Variants in EPB41L3 observed in about 807,000 individuals in gnomAD.
EPB41L3 encodes erythrocyte membrane protein band 4.1 like 3, also known as band 4.1-like protein 3.
In EPB41L3, 57 loss-of-function variants were observed where a neutral mutation model predicts 127.1. The observed-to-expected ratio is 0.45, with a 90% CI of 0.36 to 0.56. EPB41L3 has a LOEUF of 0.56. Ranked by LOEUF, EPB41L3 falls within the 20% of genes least tolerant of loss-of-function variation. The pLI is 0.00. For missense variants in EPB41L3, 1,273 were observed against 1,372.2 expected, an observed-to-expected ratio of 0.93 and a Z score of 1.14; for synonymous variants, 572 against 549.5, an observed-to-expected ratio of 1.04 and a Z score of -0.57.
At position 5,467,845 on chromosome 18, in the gene EPB41L3, G is replaced by A. The variant is rs75073288; in HGVS notation, c.381+10396C>T. Among the ~76,000 whole-genome samples the A allele has an allele frequency of 4.4e-3, 670 of 152,302 alleles. 5 individuals are homozygous for A. The highest frequency in any genetic ancestry group is 0.015 in the African/African-American group (636 of 41,576). On this transcript the variant is annotated intron_variant, in intron 3 of 22. Coordinates refer to ENST00000341928, the MANE Select transcript of EPB41L3 (RefSeq NM_012307.5). ...ACACCAGCTGTAGCAGGGGAGGCGC[G>A]GCCAAGACTGCACGCTCCACAGAGC...
At chr18:5,588,983 A>G (rs916956479) in intron 3 of EPB41L3, among the ~76,000 whole-genome samples, 2 of 152,150 alleles carry the variant, frequency 1.3e-5, no homozygotes, top group Non-Finnish European at 2.9e-5. Context: ...TGTAGATGAG[A>G]AAGTGTATTT....
chr18:5,433,497 A>G lies in EPB41L3; in HGVS notation c.884T>C (p.Met295Thr). The G allele has an allele frequency of 6.2e-7, 1 of 1,613,632 alleles. No individual in the cohort carries two copies. The highest frequency in any genetic ancestry group is 8.5e-7 in the Non-Finnish European group (1 of 1,179,786). ...AGCATGATGTAAATCTACCCCATAC[A>G]TTGATAATTTTTTGGCATTTTCCAA... ...HFLENAKKLS[M>T]YGVDLHHAKD... Residue 295 changes from methionine (M) to threonine (T), a missense_variant, in exon 8 of 23, where the codon ATG (methionine) becomes ACG (threonine). Physicochemically the swap from Met to Thr is moderately conservative, Grantham distance 81. Around this residue, in one of 3 missense-constraint regions of EPB41L3, gnomAD observed 326 missense variants for 440.2 expected, o/e 0.74. Coordinates refer to ENST00000341928, the MANE Select transcript of EPB41L3 (RefSeq NM_012307.5).
In EPB41L3 at chr18:5,600,760, G is replaced by A. The variant is rs574005991; in HGVS notation, c.-306+11580C>T. 1.1e-4 allele frequency among the ~76,000 whole-genome samples: 16 copies of A among 152,212 alleles called. No individual in the cohort carries two copies. In the South Asian group the frequency reaches 3.3e-3, roughly 32 times the overall value. On this transcript the variant is annotated intron_variant, in intron 3 of 21. Coordinates refer to the EPB41L3 transcript ENST00000545076. ...TTAAAACCATTAAAATGAATACAGA[G>A]TACCATTAACATTTACTACAGAGAA... is the stretch of plus-strand genomic sequence containing the variant.
At position 5,437,900 on chromosome 18, in the gene EPB41L3, CAT is replaced by C; in HGVS notation, c.605+133_605+134del. On this transcript the variant is annotated intron_variant, in intron 6 of 22. Coordinates refer to ENST00000341928, the MANE Select transcript of EPB41L3 (RefSeq NM_012307.5). ...ATCTCATCAGATGTTTGCTCTCGTT[CAT>C]TTGCCTTTTGTTTGCCATTTGAGCG... is the stretch of plus-strand genomic sequence containing the variant. 5 of 668,154 alleles carry C rather than the reference CAT, an allele frequency of 7.5e-6. No individual in the cohort carries two copies. The South Asian group carries it at 9.9e-5, about 13-fold the overall frequency. 41.4% of individuals were successfully genotyped at this position (668,154 alleles called of 1,614,324 possible).
chr18:5,518,248 C>G (rs1278651661), intron 1 of EPB41L3, among the ~76,000 whole-genome samples: 1 of 152,128 alleles, frequency 6.6e-6, no homozygotes, highest in Non-Finnish European at 1.5e-5. Context: ...AACCCTCCCT[C>G]TCTCTGCTCC....
intron 1 of EPB41L3, among the ~76,000 whole-genome samples, chr18:5,532,477 A>G (rs118027606): frequency 1.3e-5 from 2 of 152,356 alleles, no homozygotes; most frequent in East Asian, 3.9e-4. Flanking sequence ...TTTCACTTTC[A>G]GTGTGTATCT....
chr18:5,521,897 T>G (rs1011344478), intron 1 of EPB41L3, among the ~76,000 whole-genome samples: 1 of 152,198 alleles, frequency 6.6e-6, no homozygotes, highest in Non-Finnish European at 1.5e-5. Flanking sequence ...CTTGAAATAT[T>G]ATTGAAATTC....
At chr18:5,523,316 CCTTT>C (rs1431569325) in intron 1 of EPB41L3, among the ~76,000 whole-genome samples, 2 of 152,154 alleles carry the variant, frequency 1.3e-5, no homozygotes, top group African/African-American at 4.8e-5. Flanking sequence ...CCCAAGTCTT[CCTTT>C]GTTTCTTTTC....
chr18:5,458,741 T>C (rs2083486140), intron 3 of EPB41L3, among the ~76,000 whole-genome samples: 1 of 152,250 alleles, frequency 6.6e-6, no homozygotes, highest in Admixed American at 6.5e-5. Flanking sequence ...AAATTGATAT[T>C]TTTGTAGCAG....
At chr18:5,624,242 A>C (rs2094897542) in intron 1 of EPB41L3, among the ~76,000 whole-genome samples, 1 of 152,084 alleles carries the variant, frequency 6.6e-6, no homozygotes, top group Admixed American at 6.6e-5. Context: ...TGATCATCCC[A>C]CCTCAGCCTC....
At chr18:5,499,829 GTA>G (rs35194563) in intron 1 of EPB41L3, among the ~76,000 whole-genome samples, 1,770 of 123,970 alleles carry the variant, frequency 0.014, 59 homozygotes, top group Non-Finnish European at 0.014. Context: ...CTATGTGTGT[GTA>G]TATATATATA....
intron 3 of EPB41L3, among the ~76,000 whole-genome samples, chr18:5,549,509 C>A (rs188838786): frequency 6.6e-6 from 1 of 152,248 alleles, no homozygotes; most frequent in East Asian, 1.9e-4. Context: ...TCTGAGGATA[C>A]CAGAGTTTCT....
chr18:5,600,197 T>C (rs1374808075), intron 3 of EPB41L3, among the ~76,000 whole-genome samples: 1 of 152,206 alleles, frequency 6.6e-6, no homozygotes, highest in Admixed American at 6.5e-5. Flanking sequence ...GTAACTTTCT[T>C]AAGTTTACCA....
intron 1 of EPB41L3, among the ~76,000 whole-genome samples, chr18:5,625,466 G>A (rs2094912958): frequency 6.6e-6 from 1 of 152,146 alleles, no homozygotes; most frequent in South Asian, 2.1e-4. Flanking sequence ...AGGTGACTCA[G>A]GACATGGTGG....
intron 5 of EPB41L3, among the ~76,000 whole-genome samples, chr18:5,438,666 T>C (rs531400175): frequency 1.3e-5 from 2 of 152,354 alleles, no homozygotes; most frequent in African/African-American, 4.8e-5. Flanking sequence ...TGAAAATTAT[T>C]TTCTTGCTCA....
At chr18:5,556,243 GA>G (rs893836496) in intron 3 of EPB41L3, among the ~76,000 whole-genome samples, 1 of 152,168 alleles carries the variant, frequency 6.6e-6, no homozygotes, top group Non-Finnish European at 1.5e-5. Context: ...AGATACAAAG[GA>G]AAAAGCAAAC....
intron 1 of EPB41L3, among the ~76,000 whole-genome samples, chr18:5,498,736 A>G (rs1016226317): frequency 3.3e-5 from 5 of 152,160 alleles, no homozygotes; most frequent in Admixed American, 1.3e-4. Flanking sequence ...AATGATATAC[A>G]TAAGAGCAAA....
Position 5,415,838 on chromosome 18 carries a change from T to C in EPB41L3, c.2047A>G (p.Ser683Gly). ...SLSASLDNDP[S>G]DSSEEETDSE... is the part of the protein sequence containing the mutation. ...CACACCTCTTCCTCTGAACTGTCAC[T>C]CGGGTCATTGTCTAGGGAGGCGCTC... Residue 683 changes from serine (S) to glycine (G), a missense_variant, in exon 13 of 23, where the codon AGT becomes GGT. Ser to Gly is a moderately conservative substitution (Grantham distance 56). Transcript: ENST00000341928. 1.9e-6 allele frequency: 3 copies of C among 1,612,702 alleles called. No individual in the cohort carries two copies. Among genetic ancestry groups the C allele is most frequent in the Non-Finnish European group, 2.5e-6 (3 of 1,179,764 alleles).
At chr18:5,505,513 A>T (rs1319365178) in intron 1 of EPB41L3, among the ~76,000 whole-genome samples, 39 of 129,220 alleles carry the variant, frequency 3.0e-4, no homozygotes, top group South Asian at 5.2e-4. Flanking sequence ...CTCCACCCCT[A>T]CCCTCCACAC....
Sources: allele counts gnomAD v4.1 joint callset (sites outside exome capture counted in the v4.1 genomes callset), GRCh38; gene constraint gnomAD v4.1.1; regional missense constraint gnomAD v4.1.1; transcripts MANE v1.5; gene names NCBI Gene and HGNC (gene_info 2026-07-23, HGNC 2026-07-21).